The following NEK4 variants were observed in gnomAD, a reference collection of about 807,000 sequenced individuals.
The protein encoded by NEK4 is NIMA related kinase 4.
In NEK4, 86 loss-of-function variants were observed where a neutral mutation model predicts 98.4. The ratio of observed to expected loss-of-function variants is 0.87; its 90% CI spans 0.73 to 1.05. The LOEUF is 1.05. Ranked by LOEUF, NEK4 falls within the 50% of genes least tolerant of loss-of-function variation. NEK4 has a pLI of 0.00. For missense variants in NEK4, 898 were observed against 950.3 expected (o/e 0.94, Z 0.72); for synonymous variants, 328 against 342.2 (o/e 0.96, Z 0.46).
At chr3:52,734,910 A>C (rs758079747) in intron 15 of NEK4, 4 of 219,704 alleles carry the variant, frequency 1.8e-5, no homozygotes, top group Non-Finnish European at 3.7e-5. Context: ...AATATTACCA[A>C]AAAAAAAGGG....
At position 52,768,613 on chromosome 3, in the gene NEK4, A is replaced by T; in HGVS notation, c.94-9T>A. On this transcript the variant is annotated splice_polypyrimidine_tract_variant and intron_variant, in intron 1 of 15. Coordinates refer to ENST00000233027, the MANE Select transcript of NEK4 (RefSeq NM_003157.6). ...AGTTTTTTGATGACATACTAAAAACAAACCATGTATTTTTACAATGTGCAA... is the reference window on the plus strand; with the variant it reads ...AGTTTTTTGATGACATACTAAAAACTAACCATGTATTTTTACAATGTGCAA... 1 of 1,612,344 alleles carries T rather than the reference A, an allele frequency of 6.2e-7. No homozygotes were observed. The highest frequency in any genetic ancestry group is 1.1e-5 in the South Asian group (1 of 91,030).
chr3:52,744,110 T>C (rs2097391408), intron 11 of NEK4, 129 bp downstream of exon 11: 3 of 725,838 alleles, frequency 4.1e-6, no homozygotes, highest in Non-Finnish European at 7.4e-6. Flanking sequence ...CAAAATCTTT[T>C]CCAACTCGAT....
In NEK4 at chr3:52,763,465, C is replaced by T. The variant is rs1286253550; in HGVS notation, c.821+5G>A. On this transcript the variant is annotated splice_donor_5th_base_variant and intron_variant, in intron 5 of 15. Coordinates refer to ENST00000233027, the MANE Select transcript of NEK4 (RefSeq NM_003157.6). ...GCCCAGCTATTTGCAAGGGAAGTATCTTACATCTTTGTGGCCTCCAAAAAG... is the reference window on the plus strand; with the variant it reads ...GCCCAGCTATTTGCAAGGGAAGTATTTTACATCTTTGTGGCCTCCAAAAAG... 1 of 1,611,966 alleles carries T rather than the reference C, an allele frequency of 6.2e-7. No individual in the cohort carries two copies. The highest frequency in any genetic ancestry group is 1.1e-5 in the South Asian group (1 of 90,678).
At chr3:52,733,552 T>A in intron 15 of NEK4, 1 of 506,956 alleles carries the variant, frequency 2.0e-6, no homozygotes, top group South Asian at 1.5e-5. Context: ...TGGCAAGGTC[T>A]TTGGTCAATT....
At chr3:52,765,750 A>C (rs1312190223) in intron 4 of NEK4, 137 bp downstream of exon 4, 12 of 606,520 alleles carry the variant, frequency 2.0e-5, no homozygotes, top group Non-Finnish European at 3.3e-5. Context: ...CACAGAAGGG[A>C]CCCACCATTG....
At chr3:52,723,948 C>T (rs1336898980) in intron 15 of NEK4, among the ~76,000 whole-genome samples, 1 of 152,132 alleles carries the variant, frequency 6.6e-6, no homozygotes, top group Non-Finnish European at 1.5e-5. Flanking sequence ...TGTAAAAAGA[C>T]ACAGCCAGGC....
At chr3:52,764,397 C>T (rs1010129775) in intron 4 of NEK4, among the ~76,000 whole-genome samples, 2 of 151,506 alleles carry the variant, frequency 1.3e-5, no homozygotes, top group Non-Finnish European at 2.9e-5. Flanking sequence ...CTTGGGAGGC[C>T]GAGGCGGGTG....
chr3:52,741,050 C>T (rs112635630), intron 13 of NEK4, among the ~76,000 whole-genome samples: 7 of 151,488 alleles, frequency 4.6e-5, no homozygotes, highest in African/African-American at 7.2e-5. Flanking sequence ...CTGGCTAACA[C>T]GGTGAAACGC....
At chr3:52,739,852 G>A (rs945192877) in intron 13 of NEK4, among the ~76,000 whole-genome samples, 1 of 152,146 alleles carries the variant, frequency 6.6e-6, no homozygotes, top group Non-Finnish European at 1.5e-5. Flanking sequence ...AAAATCTGCA[G>A]GCAGATCTTG....
At chr3:52,765,187 C>G (rs1698507767) in intron 4 of NEK4, among the ~76,000 whole-genome samples, 1 of 151,740 alleles carries the variant, frequency 6.6e-6, no homozygotes, top group African/African-American at 2.4e-5. Flanking sequence ...CCCGTCTGTA[C>G]TAAAAATACA....
At chr3:52,725,856 A>G (rs933980100) in intron 15 of NEK4, among the ~76,000 whole-genome samples, 5 of 152,174 alleles carry the variant, frequency 3.3e-5, no homozygotes, top group Non-Finnish European at 7.4e-5. Context: ...GTAAAATAAC[A>G]TAAGTCCCTC....
intron 15 of NEK4, among the ~76,000 whole-genome samples, chr3:52,720,978 A>G (rs2097359560): frequency 7.2e-5 from 11 of 152,258 alleles, no homozygotes; most frequent in Admixed American, 6.5e-4. Context: ...CAAAAATTGT[A>G]TCTCTTCACT....
chr3:52,712,416 T>C (rs951568027), intron 15 of NEK4, among the ~76,000 whole-genome samples: 7 of 151,602 alleles, frequency 4.6e-5, no homozygotes, highest in African/African-American at 1.7e-4. Flanking sequence ...TAGTGTCTAG[T>C]GGTGAATGTT....
chr3:52,743,117 T>G, intron 12 of NEK4: 1 of 419,140 alleles, frequency 2.4e-6, no homozygotes, highest in Non-Finnish European at 4.3e-6. Context: ...CTATGAAATA[T>G]TTTTAATTAG....
chr3:52,726,968 CTT>C (rs35173917), intron 15 of NEK4, among the ~76,000 whole-genome samples: 1,419 of 124,366 alleles, frequency 0.011, 13 homozygotes, highest in African/African-American at 0.023. Context: ...GCATCTAAAA[CTT>C]TTTTTTTTTT....
At chr3:52,726,940 A>G (rs1172315831) in intron 15 of NEK4, among the ~76,000 whole-genome samples, 1 of 150,630 alleles carries the variant, frequency 6.6e-6, no homozygotes, top group Non-Finnish European at 1.5e-5. Context: ...AATGCAGTAA[A>G]CCAACTAGAT....
At chr3:52,713,180 A>G (rs1334829918) in intron 15 of NEK4, among the ~76,000 whole-genome samples, 3 of 152,242 alleles carry the variant, frequency 2.0e-5, no homozygotes. Flanking sequence ...CAAAATTAAA[A>G]TAACACCTAG....
intron 15 of NEK4, among the ~76,000 whole-genome samples, chr3:52,731,150 GCTGTA>G (rs2097369251): frequency 6.6e-6 from 1 of 152,190 alleles, no homozygotes; most frequent in Non-Finnish European, 1.5e-5. Context: ...TGGGAGCAAA[GCTGTA>G]TTAGGCTACG....
intron 7 of NEK4, among the ~76,000 whole-genome samples, chr3:52,751,549 A>C (rs2097405095): frequency 1.3e-5 from 2 of 151,886 alleles, no homozygotes; most frequent in South Asian, 4.2e-4. Context: ...TGAACCCAGG[A>C]GGCAGAGGTT....
Sources: gnomAD v4.1 joint callset for allele counts (sites outside exome capture counted in the v4.1 genomes callset) on GRCh38, gnomAD v4.1.1 for gene constraint, MANE v1.5 for transcripts, NCBI Gene and HGNC (gene_info 2026-07-23, HGNC 2026-07-21) for gene names.